ITPR2: variants seen among roughly 807,000 people sequenced by gnomAD.
ITPR2 encodes the protein inositol 1,4,5-trisphosphate receptor type 2, also known as inositol 1,4,5-trisphosphate-gated calcium channel ITPR2.
In ITPR2, 207 loss-of-function variants were observed where a neutral mutation model predicts 317.1. The observed-to-expected ratio is 0.65, with a 90% confidence interval of 0.58 to 0.73. The LOEUF (loss-of-function observed/expected upper bound fraction) is 0.73. Ranked by LOEUF, ITPR2 falls within the 30% of genes least tolerant of loss-of-function variation. ITPR2 has a pLI of 0.00. For synonymous variants in ITPR2, 1,156 were observed against 1,149.1 expected (o/e 1.01, Z -0.12); for missense variants, 2,613 against 3,284.0 (o/e 0.80, Z 4.99).
intron 26 of ITPR2, among the ~76,000 whole-genome samples, chr12:26,617,332 C>A (rs1946393442): frequency 1.3e-5 from 2 of 152,098 alleles, no homozygotes; most frequent in South Asian, 4.1e-4. Context: ...TCGAAGATTT[C>A]AATATATGGC....
chr12:26,349,860 A>G (rs1938425666), intron 55 of ITPR2, among the ~76,000 whole-genome samples: 1 of 152,260 alleles, frequency 6.6e-6, no homozygotes, highest in Non-Finnish European at 1.5e-5. Flanking sequence ...AAGAGTCTCC[A>G]TGAAAGTGCC....
rs559023687 is a variant in ITPR2, at chr12:26,576,558, G to A, written c.4630+2155C>T. 1.4e-4 allele frequency among the ~76,000 whole-genome samples: 21 copies of A among 152,306 alleles called. 1 individual carries two copies. In the South Asian group the frequency reaches 3.3e-3, roughly 24 times the overall value. ...GTAAGATGTGCAAAAGAGCCATGGC[G>A]CTCCAGAATGTGGGGACCCAAAAGG... On this transcript the variant is annotated intron_variant, in intron 34 of 56. Coordinates refer to ENST00000381340, the MANE Select transcript of ITPR2 (RefSeq NM_002223.4).
intron 36 of ITPR2, among the ~76,000 whole-genome samples, chr12:26,555,458 C>A (rs1450699295): frequency 6.6e-6 from 1 of 152,184 alleles, no homozygotes; most frequent in Non-Finnish European, 1.5e-5. Flanking sequence ...ATGTGACGAC[C>A]TGCGGATCCC....
intron 37 of ITPR2, among the ~76,000 whole-genome samples, chr12:26,496,914 A>G (rs1164483519): frequency 3.4e-5 from 5 of 149,172 alleles, no homozygotes; most frequent in Admixed American, 6.7e-5. Context: ...ACTGCACTCC[A>G]GCCTGGGCGA....
chr12:26,512,393 C>T (rs1591843596), intron 37 of ITPR2, among the ~76,000 whole-genome samples: 1 of 152,188 alleles, frequency 6.6e-6, no homozygotes, highest in African/African-American at 2.4e-5. Flanking sequence ...TACCTGATTG[C>T]TTCCTCTGCC....
chr12:26,352,237 C>G (rs1398678), intron 55 of ITPR2, among the ~76,000 whole-genome samples: 148,690 of 152,366 alleles, frequency 0.98, 72,668 homozygotes, highest in Non-Finnish European at 1. Flanking sequence ...TATGGAACAA[C>G]AGATGCCAAG....
chr12:26,528,196 T>C (rs1357052351), intron 37 of ITPR2, among the ~76,000 whole-genome samples: 1 of 152,184 alleles, frequency 6.6e-6, no homozygotes, highest in African/African-American at 2.4e-5. Context: ...GAACCTGACA[T>C]TCTGATCTCA....
chr12:26,464,064 T>C (rs866938762), intron 45 of ITPR2, among the ~76,000 whole-genome samples: 47 of 152,298 alleles, frequency 3.1e-4, no homozygotes, highest in African/African-American at 1.1e-3. Flanking sequence ...CAGCTAATAT[T>C]AACCTATTTC....
intron 37 of ITPR2, among the ~76,000 whole-genome samples, chr12:26,538,838 G>A (rs1482311185): frequency 6.6e-6 from 1 of 152,164 alleles, no homozygotes; most frequent in African/African-American, 2.4e-5. Flanking sequence ...ACCTCCCAAA[G>A]TGCTAGGATT....
chr12:26,664,662 T>A (rs1947580646), intron 14 of ITPR2, among the ~76,000 whole-genome samples: 1 of 152,230 alleles, frequency 6.6e-6, no homozygotes, highest in African/African-American at 2.4e-5. Flanking sequence ...CTAAAGTTTC[T>A]TTAATAATTT....
At chr12:26,485,096 G>GA (rs1402608061) in intron 41 of ITPR2, among the ~76,000 whole-genome samples, 1 of 150,356 alleles carries the variant, frequency 6.7e-6, no homozygotes, top group Admixed American at 6.6e-5. Flanking sequence ...ATTTCTAGAA[G>GA]AAAAAACCTG....
At chr12:26,518,520 ATGT>A (rs1943586214) in intron 37 of ITPR2, among the ~76,000 whole-genome samples, 1 of 145,802 alleles carries the variant, frequency 6.9e-6, no homozygotes. Context: ...CCTAAAATAA[ATGT>A]TGTCGGGGAA....
chr12:26,542,728 A>C (rs180759673), intron 37 of ITPR2, among the ~76,000 whole-genome samples: 244 of 152,350 alleles, frequency 1.6e-3, no homozygotes, highest in African/African-American at 5.6e-3. Context: ...AAATCTGATC[A>C]TTTTAAGAAT....
chr12:26,580,538 G>A (rs1370900189), intron 32 of ITPR2, among the ~76,000 whole-genome samples: 1 of 152,160 alleles, frequency 6.6e-6, no homozygotes, highest in Non-Finnish European at 1.5e-5. Flanking sequence ...GTGTAAGAAA[G>A]GTGATTAATG....
chr12:26,580,046 T>A lies in ITPR2; in HGVS notation c.4490A>T (p.Asp1497Val), dbSNP rs557295724. The stretch of plus-strand genomic sequence containing the variant: ...ACTTACCTGGAGGCTGGTACTATTG[T>A]CTGAAAAGGGAGAATTAAAGAAGCC... ...VSGFFNSPFSDNSTSLQTHQP... is the reference protein window; with the variant it reads ...VSGFFNSPFSVNSTSLQTHQP... The change falls in exon 33 of 57, where the codon GAC becomes GTC. Residue 1497 changes from aspartate (D) to valine (V), a missense_variant. By Grantham distance (152) the Asp-to-Val change is radical. Around this residue, in one of 9 missense-constraint regions of ITPR2, gnomAD observed 926 missense variants for 1,072.8 expected, o/e 0.86. Coordinates refer to ENST00000381340, the MANE Select transcript of ITPR2 (RefSeq NM_002223.4). 22 of 1,612,154 alleles carry A rather than the reference T, an allele frequency of 1.4e-5. No individual in the cohort carries two copies. In the South Asian group the frequency reaches 2.4e-4, roughly 18 times the overall value.
chr12:26,356,624 A>G (rs576777937), intron 55 of ITPR2, among the ~76,000 whole-genome samples: 2 of 152,198 alleles, frequency 1.3e-5, no homozygotes, highest in East Asian at 3.8e-4. Flanking sequence ...TAGGTGCTGC[A>G]TTTCTAATTT....
chr12:26,690,899 T>C (rs1378428004), intron 10 of ITPR2, among the ~76,000 whole-genome samples: 1 of 152,244 alleles, frequency 6.6e-6, no homozygotes, highest in East Asian at 1.9e-4. Context: ...AATACGCTAT[T>C]CCACCCTTAA....
chr12:26,479,874 T>C (rs953930514), intron 43 of ITPR2, among the ~76,000 whole-genome samples: 1 of 152,064 alleles, frequency 6.6e-6, no homozygotes, highest in Non-Finnish European at 1.5e-5. Context: ...AGGAGTTCAA[T>C]ATCAGCCTGG....
At chr12:26,786,449 T>TAAAAAA (rs59014121) in intron 2 of ITPR2, among the ~76,000 whole-genome samples, 2 of 119,234 alleles carry the variant, frequency 1.7e-5, no homozygotes, top group African/African-American at 7.5e-5. Flanking sequence ...GAATGATCAA[T>TAAAAAA]AAAAAAAAAA....
Sources: allele counts gnomAD v4.1 joint callset (sites outside exome capture counted in the v4.1 genomes callset), GRCh38; gene constraint gnomAD v4.1.1; regional missense constraint gnomAD v4.1.1; transcripts MANE v1.5; gene names NCBI Gene and HGNC (gene_info 2026-07-23, HGNC 2026-07-21).